Variants in TTLL7 observed in about 807,000 individuals in gnomAD.
The protein encoded by TTLL7 is tubulin tyrosine ligase like 7.
A neutral mutation model predicts 120.2 loss-of-function variants in TTLL7; 53 were observed. The ratio of observed to expected loss-of-function variants is 0.44; its 90% CI spans 0.35 to 0.55. The LOEUF (loss-of-function observed/expected upper bound fraction) is 0.55, where lower values mean the gene tolerates loss of function less well. TTLL7 is among the 20% of genes least tolerant of loss of function. TTLL7 has a pLI of 0.00. For missense variants in TTLL7, 803 were observed against 1,054.7 expected, an observed-to-expected ratio of 0.76 and a Z score of 3.31; for synonymous variants, 353 against 351.7, an observed-to-expected ratio of 1.00 and a Z score of -0.04.
chr1:83,867,971 ATTC>A lies in TTLL7; in HGVS notation c.*1988_*1990del, dbSNP rs1452921365. 1 of 152,096 alleles carries A rather than the reference ATTC, an allele frequency of 6.6e-6. No homozygotes were observed. The highest frequency in any genetic ancestry group is 2.4e-5 in the African/African-American group (1 of 41,440). 9.4% of individuals were successfully genotyped at this position (152,096 alleles called of 1,614,324 possible). On this transcript the variant is annotated 3_prime_UTR_variant, in exon 21 of 21. Coordinates refer to ENST00000260505, the MANE Select transcript of TTLL7 (RefSeq NM_024686.6). ...TATTCTCTTCTTCCACAAATAGCAA[ATTC>A]TTCTTTGGGATGCATGCAGAGAGGA...
At chr1:83,963,651 C>A (rs1650204043) in intron 1 of TTLL7, among the ~76,000 whole-genome samples, 1 of 152,064 alleles carries the variant, frequency 6.6e-6, no homozygotes, top group Admixed American at 6.6e-5. Flanking sequence ...CATGAGACAA[C>A]TGGCTGCTAG....
intron 5 of TTLL7, chr1:83,947,485 G>GAAA: frequency 5.9e-6 from 2 of 341,140 alleles, no homozygotes; most frequent in Middle Eastern, 7.9e-4. Context: ...ATTCATCAGT[G>GAAA]AAAAAAAAAA....
chr1:83,878,641 A>G (rs768884667), intron 20 of TTLL7, among the ~76,000 whole-genome samples: 3 of 151,984 alleles, frequency 2.0e-5, no homozygotes, highest in Non-Finnish European at 2.9e-5. Flanking sequence ...AGTTATCATC[A>G]GAGGCAGGAT....
At chr1:83,915,383 A>C (rs957928525) in intron 14 of TTLL7, among the ~76,000 whole-genome samples, 1 of 152,284 alleles carries the variant, frequency 6.6e-6, no homozygotes, top group Non-Finnish European at 1.5e-5. Context: ...CAAAAACAAG[A>C]AATGGGGAAA....
At chr1:83,948,744 T>A in intron 4 of TTLL7, 49 bp from the exon 5 acceptor site, 1 of 1,310,906 alleles carries the variant, frequency 7.6e-7, no homozygotes, top group Non-Finnish European at 1.1e-6. Context: ...ATTAATTATA[T>A]TCATGTATAC....
chr1:83,871,896 C>CAAAA (rs1281907006), intron 20 of TTLL7, among the ~76,000 whole-genome samples: 4 of 43,992 alleles, frequency 9.1e-5, no homozygotes, highest in African/African-American at 2.8e-4. Flanking sequence ...GACTCCATCT[C>CAAAA]AAAAAAAAAA....
At chr1:83,914,491 C>T (rs1047786032) in intron 14 of TTLL7, among the ~76,000 whole-genome samples, 1 of 151,960 alleles carries the variant, frequency 6.6e-6, no homozygotes, top group African/African-American at 2.4e-5. Flanking sequence ...GCCACCACAC[C>T]CAGCTAATTT....
chr1:83,952,517 G>T, intron 1 of TTLL7, 130 bp from the exon 2 acceptor site: 2 of 276,406 alleles, frequency 7.2e-6, no homozygotes, highest in Non-Finnish European at 6.7e-6. Flanking sequence ...ATTGTAAATC[G>T]GTTTATTAAA....
At chr1:83,958,749 G>T (rs577067139) in intron 1 of TTLL7, among the ~76,000 whole-genome samples, 45 of 152,096 alleles carry the variant, frequency 3.0e-4, no homozygotes, top group Non-Finnish European at 6.3e-4. Context: ...ATGCTTATTT[G>T]TTTTGAATAT....
chr1:83,989,824 G>A (rs1010936794), intron 1 of TTLL7, among the ~76,000 whole-genome samples: 9 of 151,802 alleles, frequency 5.9e-5, no homozygotes, highest in East Asian at 5.8e-4. Flanking sequence ...TGTTTTTTTC[G>A]TACTCTCTGA....
At chr1:83,912,835 A>T (rs1657794353) in intron 14 of TTLL7, 2 of 152,338 alleles carry the variant, frequency 1.3e-5, no homozygotes, top group African/African-American at 4.8e-5. Context: ...AGAGATATGC[A>T]TAAAAACATT....
intron 3 of TTLL7, among the ~76,000 whole-genome samples, chr1:83,950,678 G>T (rs1036766377): frequency 6.6e-6 from 1 of 152,112 alleles, no homozygotes; most frequent in Admixed American, 6.5e-5. Flanking sequence ...ATAAAGATAA[G>T]CAGAAGACTT....
chr1:83,973,913 T>C (rs1031904477), intron 1 of TTLL7, among the ~76,000 whole-genome samples: 1 of 151,942 alleles, frequency 6.6e-6, no homozygotes, highest in Admixed American at 6.6e-5. Flanking sequence ...GGGAGACTTC[T>C]GGGGTGCTGG....
At chr1:83,968,662 C>A (rs369725483) in intron 1 of TTLL7, among the ~76,000 whole-genome samples, 9 of 152,172 alleles carry the variant, frequency 5.9e-5, no homozygotes, top group African/African-American at 1.9e-4. Context: ...GTATCTTTCT[C>A]AGCTCATGAG....
At chr1:83,882,004 C>T (rs1442227249) in intron 20 of TTLL7, among the ~76,000 whole-genome samples, 3 of 146,188 alleles carry the variant, frequency 2.1e-5, no homozygotes, top group African/African-American at 5.1e-5. Context: ...AACCAAACAC[C>T]GCATATTCTC....
rs567885052 is a variant in TTLL7, at chr1:83,892,142, A to G, written c.2209-1661T>C. Among the ~76,000 whole-genome samples, 4 of 151,532 alleles carry G rather than the reference A, an allele frequency of 2.6e-5. No homozygotes were observed. The South Asian group carries it at 8.3e-4, about 32-fold the overall frequency. On this transcript the variant is annotated intron_variant, in intron 18 of 20. Transcript: ENST00000260505. ...TCACCCCTGGCCATGATACGCTTGT[A>G]ATAGAAGTAAAAACAATTAAGTTTT...
At chr1:83,889,068 T>G (rs1324873914) in intron 19 of TTLL7, among the ~76,000 whole-genome samples, 1 of 152,096 alleles carries the variant, frequency 6.6e-6, no homozygotes, top group East Asian at 1.9e-4. Context: ...CTGGGTAATT[T>G]ACAAAGGAAA....
intron 1 of TTLL7, chr1:83,980,788 C>G (rs937345311): frequency 6.6e-6 from 1 of 152,092 alleles, no homozygotes; most frequent in Non-Finnish European, 1.5e-5. Context: ...AAGCAACCAT[C>G]TCTTCTGTTA....
At chr1:83,967,397 G>A (rs1304604858) in intron 1 of TTLL7, among the ~76,000 whole-genome samples, 2 of 152,090 alleles carry the variant, frequency 1.3e-5, no homozygotes, top group Admixed American at 1.3e-4. Context: ...GTTCAAGGCA[G>A]CACAATTCAT....
Sources: allele counts gnomAD v4.1 joint callset (sites outside exome capture counted in the v4.1 genomes callset), GRCh38; gene constraint gnomAD v4.1.1; transcripts MANE v1.5; gene names NCBI Gene and HGNC (gene_info 2026-07-23, HGNC 2026-07-21).